The following DAAM1 variants were observed in gnomAD, a reference collection of about 807,000 sequenced individuals.
The protein encoded by DAAM1 is disheveled-associated activator of morphogenesis 1.
A neutral mutation model predicts 130.0 loss-of-function variants in DAAM1; 52 were observed. The observed-to-expected ratio is 0.40, with a 90% CI of 0.32 to 0.50. The LOEUF is 0.50. Ranked by LOEUF, DAAM1 falls within the 20% of genes least tolerant of loss-of-function variation. The pLI is 0.61. For synonymous variants in DAAM1, 452 were observed against 444.5 expected (o/e 1.02, Z -0.21); for missense variants, 1,134 against 1,303.8 (o/e 0.87, Z 2.01).
chr14:59,322,566 G>A (rs1885054189), intron 5 of DAAM1, among the ~76,000 whole-genome samples: 1 of 152,030 alleles, frequency 6.6e-6, no homozygotes, highest in Non-Finnish European at 1.5e-5. Context: ...AGGAACAGCA[G>A]ATGGTTTTAA....
At chr14:59,226,544 A>G (rs1012186381) in intron 1 of DAAM1, among the ~76,000 whole-genome samples, 2 of 152,124 alleles carry the variant, frequency 1.3e-5, no homozygotes, top group African/African-American at 2.4e-5. Context: ...TGGGGGTGGG[A>G]TGGGCCTGAC....
chr14:59,243,721 G>T (rs1225795584), intron 1 of DAAM1, among the ~76,000 whole-genome samples: 1 of 152,124 alleles, frequency 6.6e-6, no homozygotes, highest in Non-Finnish European at 1.5e-5. Context: ...GCAATCACTG[G>T]TCTGTAGTAC....
chr14:59,255,407 A>T (rs745911534), intron 1 of DAAM1, among the ~76,000 whole-genome samples: 3 of 152,118 alleles, frequency 2.0e-5, no homozygotes, highest in Non-Finnish European at 4.4e-5. Flanking sequence ...TTAAGCTCCA[A>T]ATAGTATTTG....
At chr14:59,309,448 T>A (rs1884494479) in intron 3 of DAAM1, among the ~76,000 whole-genome samples, 1 of 152,240 alleles carries the variant, frequency 6.6e-6, no homozygotes, top group Non-Finnish European at 1.5e-5. Flanking sequence ...GGTGACCAAG[T>A]TAGGATTTTG....
intron 3 of DAAM1, among the ~76,000 whole-genome samples, chr14:59,306,710 G>T (rs572904440): frequency 2.0e-5 from 3 of 151,558 alleles, no homozygotes; most frequent in African/African-American, 7.3e-5. Context: ...AATCAATAAT[G>T]CAGGAAGACT....
intron 3 of DAAM1, among the ~76,000 whole-genome samples, chr14:59,295,801 G>A (rs1298510147): frequency 6.6e-6 from 1 of 152,212 alleles, no homozygotes; most frequent in East Asian, 1.9e-4. Context: ...GGTAAACTGG[G>A]AAGGGAAGCA....
chr14:59,245,944 T>C (rs900055474), intron 1 of DAAM1, among the ~76,000 whole-genome samples: 1 of 152,206 alleles, frequency 6.6e-6, no homozygotes, highest in Non-Finnish European at 1.5e-5. Flanking sequence ...GACAGTGGCC[T>C]GTGTTTCTAG....
intron 3 of DAAM1, among the ~76,000 whole-genome samples, chr14:59,313,010 A>G (rs1884651940): frequency 1.3e-5 from 2 of 152,244 alleles, no homozygotes; most frequent in Non-Finnish European, 2.9e-5. Flanking sequence ...ATAGATGTCT[A>G]TTAACCTCCT....
rs533837935 is a variant in DAAM1, at chr14:59,321,802, T to C, written c.441-1090T>C. Among the ~76,000 whole-genome samples, 6 of 152,364 alleles carry C rather than the reference T, an allele frequency of 3.9e-5. 1 individual carries two copies. The South Asian group carries it at 1.2e-3, about 32-fold the overall frequency. The stretch of plus-strand genomic sequence containing the variant: ...TGACAGAGATCTAGACTATCCTAAC[T>C]GTATCAGCATTTCTCTCAATATGTT... On this transcript the variant is annotated intron_variant, in intron 5 of 24. Coordinates refer to ENST00000360909, the MANE Select transcript of DAAM1 (RefSeq NM_001270520.2).
chr14:59,303,910 T>TAAATA (rs988405630), intron 3 of DAAM1, among the ~76,000 whole-genome samples: 12 of 151,810 alleles, frequency 7.9e-5, no homozygotes, highest in Non-Finnish European at 1.0e-4. Context: ...AAAAATAAAA[T>TAAATA]AAATAAAATA....
At chr14:59,350,012 G>A (rs1447954998) in intron 17 of DAAM1, among the ~76,000 whole-genome samples, 1 of 152,080 alleles carries the variant, frequency 6.6e-6, no homozygotes, top group African/African-American at 2.4e-5. Context: ...AGGGAGGCTG[G>A]GGTGATGCTT....
chr14:59,267,686 C>T (rs1305943284), intron 2 of DAAM1, among the ~76,000 whole-genome samples: 3 of 152,078 alleles, frequency 2.0e-5, no homozygotes, highest in Non-Finnish European at 4.4e-5. Context: ...TGCCTAACCC[C>T]AACATCCCCT....
intron 1 of DAAM1, among the ~76,000 whole-genome samples, chr14:59,234,313 G>A (rs1421706745): frequency 6.6e-6 from 1 of 152,114 alleles, no homozygotes. Flanking sequence ...TGAGCAGAGT[G>A]GTTTGTAGTT....
intron 3 of DAAM1, among the ~76,000 whole-genome samples, chr14:59,306,600 A>G (rs1434117003): frequency 2.0e-5 from 3 of 152,070 alleles, no homozygotes; most frequent in African/African-American, 7.2e-5. Flanking sequence ...CTAACATGGC[A>G]TCCAGCTCTA....
intron 1 of DAAM1, among the ~76,000 whole-genome samples, chr14:59,214,409 C>T (rs570217520): frequency 9.8e-5 from 15 of 152,340 alleles, no homozygotes; most frequent in Non-Finnish European, 1.9e-4. Flanking sequence ...GAAGGTCATC[C>T]TATTTGAAGA....
intron 17 of DAAM1, among the ~76,000 whole-genome samples, chr14:59,348,357 GT>G (rs34230534): frequency 0.18 from 27,595 of 152,194 alleles, 3,156 homozygotes; most frequent in South Asian, 0.37. Flanking sequence ...TGGCATCTTT[GT>G]CTGGTTGTCC....
rs1476666484 is a variant in DAAM1, at chr14:59,262,828, G to A, written c.-37-613G>A. On this transcript the variant is annotated intron_variant, in intron 1 of 24. Transcript: ENST00000360909. Reference sequence around the variant, plus strand: ...TTAGTTAATACAGTGAACATTTATGGAGTGCCTTCTCTCTTCCTGGGATTG... The same window carrying A: ...TTAGTTAATACAGTGAACATTTATGAAGTGCCTTCTCTCTTCCTGGGATTG... Among the ~76,000 whole-genome samples the A allele has an allele frequency of 2.6e-5, 4 of 152,104 alleles. No homozygotes were observed. In the East Asian group the frequency reaches 7.7e-4, roughly 29 times the overall value.
chr14:59,286,782 G>A (rs1421446809), intron 2 of DAAM1, among the ~76,000 whole-genome samples: 2 of 151,916 alleles, frequency 1.3e-5, no homozygotes, highest in Non-Finnish European at 2.9e-5. Context: ...AATTAAATCA[G>A]TAATACAAAA....
At chr14:59,279,206 G>C (rs1594796214) in intron 2 of DAAM1, among the ~76,000 whole-genome samples, 1 of 152,108 alleles carries the variant, frequency 6.6e-6, no homozygotes, top group East Asian at 1.9e-4. Context: ...CCCATTTGCA[G>C]TCATCCCTGC....
Sources: gnomAD v4.1 joint callset for allele counts (sites outside exome capture counted in the v4.1 genomes callset) on GRCh38, gnomAD v4.1.1 for gene constraint, MANE v1.5 for transcripts, NCBI Gene and HGNC (gene_info 2026-07-23, HGNC 2026-07-21) for gene names.